ANKRA2: variants seen among roughly 807,000 people sequenced by gnomAD.
The protein encoded by ANKRA2 is ankyrin repeat family A protein 2.
A neutral mutation model predicts 37.8 loss-of-function variants in ANKRA2; 33 were observed. The observed-to-expected ratio is 0.87, with a 90% CI of 0.66 to 1.17. ANKRA2 has a LOEUF of 1.17. Ranked by LOEUF, ANKRA2 falls within the 50% of genes most tolerant of loss-of-function variation. The pLI, the probability that ANKRA2 is intolerant of heterozygous loss-of-function variation, is 0.00. For missense variants in ANKRA2, 326 were observed against 373.7 expected, an observed-to-expected ratio of 0.87 and a Z score of 1.05; for synonymous variants, 126 against 132.3, an observed-to-expected ratio of 0.95 and a Z score of 0.33.
intron 4 of ANKRA2, among the ~76,000 whole-genome samples, chr5:73,555,988 G>C (rs1165797595): frequency 6.6e-6 from 1 of 152,162 alleles, no homozygotes; most frequent in Non-Finnish European, 1.5e-5. Context: ...TCAACGTACA[G>C]TTGGGAGGAT....
At chr5:73,564,802 AT>A (rs1189908604) in intron 1 of ANKRA2, among the ~76,000 whole-genome samples, 1 of 152,140 alleles carries the variant, frequency 6.6e-6, no homozygotes, top group Non-Finnish European at 1.5e-5. Context: ...ATGAACGCTT[AT>A]CTTGGCACAG....
intron 1 of ANKRA2, among the ~76,000 whole-genome samples, chr5:73,564,297 C>G (rs1747650930): frequency 6.6e-6 from 1 of 152,186 alleles, no homozygotes; most frequent in African/African-American, 2.4e-5. Context: ...CCCCTTTCTC[C>G]TATCCAGCGG....
At chr5:73,555,391 T>C in intron 5 of ANKRA2, 97 bp downstream of exon 5, 1 of 1,523,878 alleles carries the variant, frequency 6.6e-7, no homozygotes, top group South Asian at 1.2e-5. Context: ...TTTGGTAGCC[T>C]CTACCATTAT....
chr5:73,554,544 G>C, intron 6 of ANKRA2, 156 bp from the exon 7 acceptor site: 1 of 585,446 alleles, frequency 1.7e-6, no homozygotes, highest in Non-Finnish European at 2.9e-6. Context: ...TAATAATTGA[G>C]TCTATGATAT....
Position 73,557,579 on chromosome 5 carries a change from T to A in ANKRA2, c.510A>T (p.Glu170Asp). 2.5e-6 allele frequency: 4 copies of A among 1,602,302 alleles called. No individual in the cohort carries two copies. The highest frequency in any genetic ancestry group is 2.6e-6 in the Non-Finnish European group (3 of 1,170,222). ...TATTTTTAAATAGGCTATTACCTTG[T>A]TCGATACGAGTAGCCAGATAGAGCA... is the stretch of plus-strand genomic sequence containing the variant. Reference protein sequence around the residue: ...GEMLYLATRIEQENVINHTDE... With the variant: ...GEMLYLATRIDQENVINHTDE... The change falls in exon 4 of 9, where the codon GAA becomes GAT. Residue 170 changes from glutamate to aspartate, a missense_variant. Around this residue, in one of 3 missense-constraint regions of ANKRA2, gnomAD observed 228 missense variants for 260.2 expected, o/e 0.88. Coordinates refer to ENST00000296785, the MANE Select transcript of ANKRA2 (RefSeq NM_023039.5).
intron 2 of ANKRA2, among the ~76,000 whole-genome samples, chr5:73,561,690 C>G (rs1011431527): frequency 1.3e-5 from 2 of 151,984 alleles, no homozygotes; most frequent in Non-Finnish European, 2.9e-5. Flanking sequence ...TTGCTTGAAC[C>G]CAGAAGGCGG....
At chr5:73,554,558 C>G (rs1289393445) in intron 6 of ANKRA2, 170 bp from the exon 7 acceptor site, 5 of 572,904 alleles carry the variant, frequency 8.7e-6, no homozygotes, top group Non-Finnish European at 1.5e-5. Context: ...ATGATATTAA[C>G]TTTTTCTTCT....
In ANKRA2 at chr5:73,554,916, G is replaced by T; in HGVS notation, c.683C>A (p.Thr228Lys). ...ATCAAGCAGCATTTTGACAATATCT[G>T]TGTAGCCTTTACTACAGGCCAACGA... ...ALSLACSKGY[T>K]DIVKMLLDCG... Residue 228 changes from threonine to lysine, a missense_variant, in exon 6 of 9, where the codon ACA (threonine) becomes AAA (lysine). Coordinates refer to ENST00000296785, the MANE Select transcript of ANKRA2 (RefSeq NM_023039.5). The T allele has an allele frequency of 6.2e-7, 1 of 1,613,798 alleles. No homozygotes were observed. Among genetic ancestry groups the T allele is most frequent in the Non-Finnish European group, 8.5e-7 (1 of 1,179,780 alleles).
intron 1 of ANKRA2, among the ~76,000 whole-genome samples, chr5:73,563,973 T>A (rs343107): frequency 0.65 from 98,646 of 151,594 alleles, 32,818 homozygotes; most frequent in East Asian, 0.83. Flanking sequence ...CTAGGAGGGG[T>A]AAAAAAGGAA....
chr5:73,553,249 T>C (rs1182837634), intron 8 of ANKRA2, among the ~76,000 whole-genome samples, 157 bp downstream of exon 8: 1 of 152,248 alleles, frequency 6.6e-6, no homozygotes, highest in Non-Finnish European at 1.5e-5. Context: ...TTCTAGACTT[T>C]ATAGGAATTT....
At chr5:73,560,323 T>C (rs888072925) in intron 3 of ANKRA2, among the ~76,000 whole-genome samples, 3 of 152,192 alleles carry the variant, frequency 2.0e-5, no homozygotes, top group Admixed American at 2.0e-4. Flanking sequence ...TAAAATTTAC[T>C]CTTTTAGCAA....
At chr5:73,556,164 T>C (rs888327634) in intron 4 of ANKRA2, among the ~76,000 whole-genome samples, 5 of 152,354 alleles carry the variant, frequency 3.3e-5, no homozygotes, top group Admixed American at 2.6e-4. Flanking sequence ...ACAGATAATA[T>C]AATGTGAATG....
At chr5:73,559,893 G>T (rs1580379498) in intron 3 of ANKRA2, among the ~76,000 whole-genome samples, 1 of 151,858 alleles carries the variant, frequency 6.6e-6, no homozygotes, top group African/African-American at 2.4e-5. Context: ...TGAGTATGTG[G>T]GACTACAGGT....
rs569616730 is a variant in ANKRA2, at chr5:73,552,927, T to G, written c.887-75A>C. On this transcript the variant is annotated intron_variant, in intron 8 of 8. Coordinates refer to ENST00000296785, the MANE Select transcript of ANKRA2 (RefSeq NM_023039.5). ...TTTTAAAACTATCAAATTTAACTTA[T>G]CCCCAATATTTTCCTAAAATAAAGT... 3.2e-6 allele frequency: 4 copies of G among 1,259,588 alleles called. No homozygotes were observed. The African/African-American group carries it at 6.0e-5, about 19-fold the overall frequency. The allele number at this position is 1,259,588 out of a possible 1,614,324, so 78.0% of individuals were successfully genotyped here. A position where few individuals can be genotyped will look rare whatever the true frequency, so the allele number is the denominator to read the frequency against.
intron 3 of ANKRA2, among the ~76,000 whole-genome samples, chr5:73,560,493 T>C (rs1054098720): frequency 6.6e-6 from 1 of 152,128 alleles, no homozygotes; most frequent in South Asian, 2.1e-4. Context: ...CCCAAGTAGT[T>C]GGGAACACAG....
intron 7 of ANKRA2, among the ~76,000 whole-genome samples, 194 bp downstream of exon 7, chr5:73,554,128 T>A (rs1312747521): frequency 6.6e-6 from 1 of 152,162 alleles, no homozygotes; most frequent in Middle Eastern, 3.2e-3. Context: ...AAGGTCCAAT[T>A]GCAGGTGTGG....
chr5:73,562,685 G>C lies in ANKRA2; in HGVS notation c.197C>G (p.Ser66Cys). ...TTCATTTAAGGACTTCACAAATCGA[G>C]AACACACATTCATATCAAATCGGTT... ...LPNRFDMNVC[S>C]RFVKSLNEED... The change falls in exon 2 of 9, where the codon TCT (serine) becomes TGT (cysteine). Residue 66 changes from serine to cysteine, a missense_variant. Physicochemically the swap from Ser to Cys is moderately radical, Grantham distance 112. This residue lies in a region of ANKRA2 where 93 missense variants were observed against 91.1 expected (regional missense o/e 1.02). Coordinates refer to ENST00000296785, the MANE Select transcript of ANKRA2 (RefSeq NM_023039.5). 1 of 1,614,108 alleles carries C rather than the reference G, an allele frequency of 6.2e-7. No homozygotes were observed. The highest frequency in any genetic ancestry group is 8.5e-7 in the Non-Finnish European group (1 of 1,179,984).
At chr5:73,562,468 C>T (rs924565614) in intron 2 of ANKRA2, 125 bp downstream of exon 2, 11 of 879,562 alleles carry the variant, frequency 1.3e-5, no homozygotes, top group Admixed American at 3.2e-5. Flanking sequence ...TATGAGATTC[C>T]AGAAAATCAT....
rs777763812 is a variant in ANKRA2, at chr5:73,562,933, G to GT, written c.-53_-52insA. ...AAACATTTCTTCATGATTTCCTCTTGGTTTTGTAAGAGCAGTATCCAGTGT... is the reference window on the plus strand; with the variant it reads ...AAACATTTCTTCATGATTTCCTCTTGTGTTTTGTAAGAGCAGTATCCAGTGT... On this transcript the variant is annotated 5_prime_UTR_variant, in exon 2 of 9. Transcript: ENST00000296785. The GT allele has an allele frequency of 6.7e-7, 1 of 1,492,842 alleles. No individual in the cohort carries two copies. Among genetic ancestry groups the GT allele is most frequent in the Non-Finnish European group, 9.0e-7 (1 of 1,106,610 alleles). The allele number at this position is 1,492,842 out of a possible 1,614,324, so 92.5% of individuals were successfully genotyped here.
Sources: allele counts gnomAD v4.1 joint callset (sites outside exome capture counted in the v4.1 genomes callset), GRCh38; gene constraint gnomAD v4.1.1; regional missense constraint gnomAD v4.1.1; transcripts MANE v1.5; gene names NCBI Gene and HGNC (gene_info 2026-07-23, HGNC 2026-07-21).